ITSN1: variants seen among roughly 807,000 people sequenced by gnomAD.
The protein encoded by ITSN1 is intersectin-1.
Under a neutral mutation model 239.8 loss-of-function variants are expected in ITSN1, and 58 were observed. The ratio of observed to expected loss-of-function variants is 0.24; its 90% CI spans 0.20 to 0.30. ITSN1 has a LOEUF of 0.30. Among genes scored for constraint, ITSN1 ranks in the 10% least tolerant of loss-of-function variants. The pLI is 1.00. For synonymous variants in ITSN1, 780 were observed against 770.8 expected (o/e 1.01, Z -0.20); for missense variants, 1,558 against 2,103.3 (o/e 0.74, Z 5.07).
At chr21:33,881,851 A>G (rs1010510224) in intron 34 of ITSN1, among the ~76,000 whole-genome samples, 3 of 150,066 alleles carry the variant, frequency 2.0e-5, no homozygotes, top group African/African-American at 7.3e-5. Context: ...GGGGGCTGAG[A>G]TGGGAGAATT....
At chr21:33,719,272 C>T (rs1228819532) in intron 2 of ITSN1, among the ~76,000 whole-genome samples, 1 of 152,120 alleles carries the variant, frequency 6.6e-6, no homozygotes, top group South Asian at 2.1e-4. Flanking sequence ...GAAACCCTGT[C>T]TCTATGAAAA....
chr21:33,687,178 A>G (rs550398975), intron 1 of ITSN1, among the ~76,000 whole-genome samples: 40 of 152,060 alleles, frequency 2.6e-4, no homozygotes, highest in African/African-American at 8.7e-4. Flanking sequence ...CTAAAAATAC[A>G]AAAATTAGTC....
chr21:33,687,541 A>AT (rs796126221), intron 1 of ITSN1, among the ~76,000 whole-genome samples: 11 of 151,750 alleles, frequency 7.2e-5, no homozygotes, highest in African/African-American at 2.7e-4. Flanking sequence ...AGGCCTAAGG[A>AT]TTTTGTAGTT....
chr21:33,895,617 G>A lies in ITSN1; in HGVS notation c.*7317G>A, dbSNP rs8134921. ...AGTGCATGTGTTTGTGCGTGTGTGC[G>A]TATTTGTGTGTGTGCGTGTGTGTGC... On this transcript the variant is annotated 3_prime_UTR_variant, in exon 40 of 40. Transcript: ENST00000381318. 46,371 of 135,798 alleles carry A rather than the reference G, an allele frequency of 0.34. 7,532 individuals are homozygous for A. Among genetic ancestry groups the A allele is most frequent in the African/African-American group, 0.45 (17,130 of 37,792 alleles). The allele number at this position is 135,798 out of a possible 1,614,324, so 8.4% of individuals were successfully genotyped here. A position where few individuals can be genotyped will look rare whatever the true frequency, so the allele number is the denominator to read the frequency against.
Position 33,778,723 on chromosome 21 carries a change from C to T in ITSN1, c.1597-2738C>T, listed in dbSNP as rs1385585355. 5.3e-4 allele frequency among the ~76,000 whole-genome samples: 77 copies of T among 144,698 alleles called. 6 individuals carry two copies. Among genetic ancestry groups the T allele is most frequent in the African/African-American group, 1.7e-3 (64 of 36,910 alleles). 94.9% of individuals were successfully genotyped at this position (144,698 alleles called of 152,430 possible). A position where few individuals can be genotyped will look rare whatever the true frequency, so the allele number is the denominator to read the frequency against. Reference sequence around the variant, plus strand: ...CCTCCCAAGTAGCTGGGACTACAGGCGCCCGCCACTACGCCCGGCTAATTT... The same window carrying T: ...CCTCCCAAGTAGCTGGGACTACAGGTGCCCGCCACTACGCCCGGCTAATTT... On this transcript the variant is annotated intron_variant, in intron 14 of 39. Transcript: ENST00000381318.
chr21:33,764,534 G>A (rs1245035074), intron 9 of ITSN1, among the ~76,000 whole-genome samples: 1 of 152,146 alleles, frequency 6.6e-6, no homozygotes, highest in Admixed American at 6.6e-5. Flanking sequence ...GCAAAGGAGG[G>A]AGTTGCTACA....
intron 17 of ITSN1, among the ~76,000 whole-genome samples, chr21:33,796,896 CT>C (rs2148038011): frequency 6.6e-6 from 1 of 152,288 alleles, no homozygotes; most frequent in East Asian, 1.9e-4. Flanking sequence ...TTACAATTAT[CT>C]ATTTGTGGTA....
In ITSN1 at chr21:33,868,596, G is replaced by A. The variant is rs564772218; in HGVS notation, c.4173+1265G>A. 1.6e-4 allele frequency among the ~76,000 whole-genome samples: 24 copies of A among 152,314 alleles called. No homozygotes were observed. The South Asian group carries it at 3.3e-3, about 21-fold the overall frequency. ...CTCATTGCCCGGAGCCAGCAGGGCCGGCCGGCTGCTCCGAGTGCGGGGCAC... is the reference window on the plus strand; with the variant it reads ...CTCATTGCCCGGAGCCAGCAGGGCCAGCCGGCTGCTCCGAGTGCGGGGCAC... On this transcript the variant is annotated intron_variant, in intron 33 of 39. Coordinates refer to ENST00000381318, the MANE Select transcript of ITSN1 (RefSeq NM_003024.3).
intron 7 of ITSN1, among the ~76,000 whole-genome samples, chr21:33,753,104 C>T (rs947575961): frequency 2.6e-5 from 4 of 152,154 alleles, no homozygotes; most frequent in African/African-American, 9.7e-5. Context: ...GTTACTCGTG[C>T]AACAGAACGT....
chr21:33,683,369 G>A (rs1177806056), intron 1 of ITSN1, among the ~76,000 whole-genome samples: 1 of 152,190 alleles, frequency 6.6e-6, no homozygotes, highest in Non-Finnish European at 1.5e-5. Flanking sequence ...CCAAGCCCCT[G>A]TTTGAACCTG....
At chr21:33,778,825 G>A (rs1211282991) in intron 14 of ITSN1, among the ~76,000 whole-genome samples, 7 of 140,814 alleles carry the variant, frequency 5.0e-5, no homozygotes, top group South Asian at 2.1e-4. Context: ...TGATCCGCCC[G>A]CCTCGGCCTC....
intron 1 of ITSN1, among the ~76,000 whole-genome samples, chr21:33,664,981 G>A (rs2089830345): frequency 6.8e-6 from 1 of 148,120 alleles, no homozygotes; most frequent in Non-Finnish European, 1.5e-5. Context: ...TAGACATAAC[G>A]TGGCCAGGCG....
At chr21:33,672,954 C>G (rs895856183) in intron 1 of ITSN1, among the ~76,000 whole-genome samples, 1 of 152,192 alleles carries the variant, frequency 6.6e-6, no homozygotes, top group Non-Finnish European at 1.5e-5. Context: ...TCGTGATCCA[C>G]CTGCCTCGGC....
chr21:33,677,213 G>T (rs536582937), intron 1 of ITSN1, among the ~76,000 whole-genome samples: 1 of 152,282 alleles, frequency 6.6e-6, no homozygotes, highest in South Asian at 2.1e-4. Context: ...AACTGAGCAA[G>T]TATGTGGGTA....
In ITSN1 at chr21:33,727,607, C is replaced by CAAAAA. The variant is rs201596116; in HGVS notation, c.185+4970_185+4974dup. Among the ~76,000 whole-genome samples the CAAAAA allele has an allele frequency of 2.9e-3, 201 of 69,750 alleles. 1 individual carries two copies. The highest frequency in any genetic ancestry group is 8.9e-3 in the African/African-American group (197 of 22,076). 45.8% of individuals were successfully genotyped at this position (69,750 alleles called of 152,430 possible). On this transcript the variant is annotated intron_variant, in intron 4 of 39. Transcript: ENST00000381318. The stretch of plus-strand genomic sequence containing the variant: ...ACAAGATCAATTTGCTAAACTCATA[C>CAAAAA]AAAAAAAAAAAAAAAAAAGAATAAG...
intron 31 of ITSN1, among the ~76,000 whole-genome samples, chr21:33,862,524 G>A (rs1980812514): frequency 3.3e-5 from 5 of 152,314 alleles, no homozygotes; most frequent in Admixed American, 2.6e-4. Context: ...GGAGCAGATG[G>A]TGGGAAGTCC....
chr21:33,816,380 C>T (rs2073270355), intron 22 of ITSN1, among the ~76,000 whole-genome samples: 1 of 152,096 alleles, frequency 6.6e-6, no homozygotes, highest in Non-Finnish European at 1.5e-5. Flanking sequence ...TTCCTTCCCC[C>T]TCCCCACCTA....
intron 27 of ITSN1, among the ~76,000 whole-genome samples, chr21:33,830,197 TATC>T (rs972649876): frequency 3.3e-5 from 5 of 152,338 alleles, no homozygotes; most frequent in Middle Eastern, 3.4e-3. Flanking sequence ...TTGTTAATCA[TATC>T]ATCTTGTTTA....
At chr21:33,726,477 G>A (rs532766673) in intron 4 of ITSN1, among the ~76,000 whole-genome samples, 2 of 152,262 alleles carry the variant, frequency 1.3e-5, no homozygotes, top group Middle Eastern at 3.4e-3. Context: ...CCTTGTGTCA[G>A]TCATCTGGGG....
Sources: allele counts gnomAD v4.1 joint callset (sites outside exome capture counted in the v4.1 genomes callset), GRCh38; gene constraint gnomAD v4.1.1; transcripts MANE v1.5; gene names NCBI Gene and HGNC (gene_info 2026-07-23, HGNC 2026-07-21).